Variants in HPSE2 observed in about 807,000 individuals in gnomAD.
The protein encoded by HPSE2 is inactive heparanase-2.
Under a neutral mutation model 60.5 loss-of-function variants are expected in HPSE2, and 38 were observed. That is an observed-to-expected ratio of 0.63 (90% CI 0.48 to 0.82). The LOEUF (loss-of-function observed/expected upper bound fraction) is 0.82, where lower values mean the gene tolerates loss of function less well. HPSE2 is among the 40% of genes least tolerant of loss of function. The pLI is 0.00. For missense variants in HPSE2, 713 were observed against 740.4 expected (o/e 0.96, Z 0.43); for synonymous variants, 295 against 293.2 (o/e 1.01, Z -0.06).
intron 3 of HPSE2, among the ~76,000 whole-genome samples, chr10:98,861,234 A>T (rs1390576096): frequency 6.6e-6 from 1 of 152,208 alleles, no homozygotes; most frequent in African/African-American, 2.4e-5. Flanking sequence ...TAATTGAAGA[A>T]ATTATCTTGT....
intron 6 of HPSE2, among the ~76,000 whole-genome samples, chr10:98,653,516 T>C (rs1445765976): frequency 6.6e-6 from 1 of 152,014 alleles, no homozygotes; most frequent in Non-Finnish European, 1.5e-5. Flanking sequence ...TATATTTCTT[T>C]CTAAAACATT....
chr10:99,146,058 C>G (rs1846041690), intron 2 of HPSE2, among the ~76,000 whole-genome samples: 1 of 152,144 alleles, frequency 6.6e-6, no homozygotes, highest in South Asian at 2.1e-4. Context: ...TAACTAGTCT[C>G]ACAGATTTTC....
At chr10:98,962,933 A>G (rs1361153836) in intron 3 of HPSE2, among the ~76,000 whole-genome samples, 1 of 152,220 alleles carries the variant, frequency 6.6e-6, no homozygotes, top group African/African-American at 2.4e-5. Context: ...TTCCCTAAAT[A>G]GAAGTCAGAG....
intron 3 of HPSE2, among the ~76,000 whole-genome samples, chr10:99,082,188 C>T (rs759731148): frequency 2.6e-5 from 4 of 152,078 alleles, no homozygotes; most frequent in East Asian, 3.9e-4. Flanking sequence ...GTGGTCACCG[C>T]GTCAATGAGA....
chr10:98,615,083 GAGACTGGCTACTATATACACAT>G, intron 8 of HPSE2, 65 bp from the exon 9 acceptor site: 1 of 1,149,710 alleles, frequency 8.7e-7, no homozygotes, highest in Non-Finnish European at 1.3e-6. Flanking sequence ...AAGCTCTATA[GAGACTGGCTACTATATACACAT>G]ATACACCAAT....
intron 9 of HPSE2, among the ~76,000 whole-genome samples, chr10:98,614,428 GACCAC>G (rs1945843823): frequency 6.6e-6 from 1 of 151,910 alleles, no homozygotes; most frequent in African/African-American, 2.4e-5. Flanking sequence ...AAGTAGCTGG[GACCAC>G]AGGTGCCCGC....
the HPSE2 span, among the ~76,000 whole-genome samples, chr10:99,315,535 A>G: frequency 6.6e-6 from 1 of 152,218 alleles, no homozygotes; most frequent in Admixed American, 6.5e-5. Context: ...CGAAGCGAGG[A>G]AAGGAGGAGA....
At chr10:98,750,635 G>C (rs1215299825) in intron 3 of HPSE2, among the ~76,000 whole-genome samples, 4 of 152,094 alleles carry the variant, frequency 2.6e-5, no homozygotes. Context: ...TTTGCTGAAG[G>C]ATTGGAATGT....
intron 3 of HPSE2, among the ~76,000 whole-genome samples, chr10:98,853,695 C>T (rs906490736): frequency 3.3e-5 from 5 of 152,078 alleles, no homozygotes; most frequent in Admixed American, 1.3e-4. Context: ...ATATATGAAT[C>T]CTAACTATAA....
Position 98,567,473 on chromosome 10 carries a change from C to T in HPSE2, c.1320+47431G>A, listed in dbSNP as rs1160842091. Among the ~76,000 whole-genome samples the T allele has an allele frequency of 2.0e-5, 3 of 152,094 alleles. No homozygotes were observed. The East Asian group carries it at 5.8e-4, about 29-fold the overall frequency. On this transcript the variant is annotated intron_variant, in intron 9 of 11. Coordinates refer to ENST00000370552, the MANE Select transcript of HPSE2 (RefSeq NM_021828.5). ...GCATATGAATTCTATGTGGGGTTTGCACAGGTATTAAATGTTTTGTGGTTG... is the reference window on the plus strand; with the variant it reads ...GCATATGAATTCTATGTGGGGTTTGTACAGGTATTAAATGTTTTGTGGTTG...
chr10:98,514,698 G>A, intron 9 of HPSE2, among the ~76,000 whole-genome samples: 1 of 144,718 alleles, frequency 6.9e-6, no homozygotes. Context: ...ATTTGGCTGT[G>A]GTTATATACT....
intron 8 of HPSE2, among the ~76,000 whole-genome samples, chr10:98,620,230 T>C (rs939494094): frequency 1.2e-4 from 18 of 152,236 alleles, no homozygotes; most frequent in Non-Finnish European, 2.2e-4. Context: ...ATCATATTTT[T>C]TTCTGGAGGG....
intron 3 of HPSE2, among the ~76,000 whole-genome samples, chr10:98,915,152 T>C (rs1398088865): frequency 7.1e-6 from 1 of 141,294 alleles, no homozygotes; most frequent in African/African-American, 2.6e-5. Context: ...TAAATTTTCC[T>C]TTTTTTTTTT....
At chr10:98,696,509 C>T (rs1270161491) in intron 5 of HPSE2, among the ~76,000 whole-genome samples, 1 of 152,142 alleles carries the variant, frequency 6.6e-6, no homozygotes. Context: ...GTGTGCTACC[C>T]AGCCTGGGAA....
intron 3 of HPSE2, among the ~76,000 whole-genome samples, chr10:99,108,679 C>T (rs1332480566): frequency 6.6e-6 from 1 of 152,072 alleles, no homozygotes; most frequent in Non-Finnish European, 1.5e-5. Context: ...ATTTAGAAGT[C>T]CCTCCTAGGT....
intron 9 of HPSE2, among the ~76,000 whole-genome samples, chr10:98,602,575 T>A (rs1032268898): frequency 6.6e-5 from 10 of 152,130 alleles, no homozygotes; most frequent in Admixed American, 3.3e-4. Context: ...AATCTCTTGA[T>A]TACTGTACAT....
At position 99,235,651 on chromosome 10, in the gene HPSE2, C is replaced by A. The variant is rs368139705; in HGVS notation, c.152G>T (p.Arg51Ile). 3 of 1,613,884 alleles carry A rather than the reference C, an allele frequency of 1.9e-6. No individual in the cohort carries two copies. In the African/African-American group the frequency reaches 4.0e-5, roughly 22 times the overall value. ...AGDRRPLPVD[R>I]AAGLKEKTLI... Reference sequence around the variant, plus strand: ...GGTCTTTTCCTTCAAACCTGCAGCTCTGTCTACAGGCAAGGGTCTCCTGTC... The same window carrying A: ...GGTCTTTTCCTTCAAACCTGCAGCTATGTCTACAGGCAAGGGTCTCCTGTC... Residue 51 changes from arginine to isoleucine, a missense_variant, in exon 1 of 12, where the codon AGA becomes ATA. Arg to Ile is a moderately conservative substitution (Grantham distance 97). Transcript: ENST00000370552.
At chr10:98,839,994 C>T (rs1021835327) in intron 3 of HPSE2, among the ~76,000 whole-genome samples, 4 of 152,168 alleles carry the variant, frequency 2.6e-5, no homozygotes, top group African/African-American at 9.7e-5. Context: ...AACCTTATGA[C>T]AATCATTTAA....
At chr10:99,182,297 G>C (rs1230178721) in intron 2 of HPSE2, among the ~76,000 whole-genome samples, 1 of 152,098 alleles carries the variant, frequency 6.6e-6, no homozygotes, top group Non-Finnish European at 1.5e-5. Context: ...TAATCACCTA[G>C]TTTATCCCCC....
Sources: allele counts gnomAD v4.1 joint callset (sites outside exome capture counted in the v4.1 genomes callset), GRCh38; gene constraint gnomAD v4.1.1; transcripts MANE v1.5; gene names NCBI Gene and HGNC (gene_info 2026-07-23, HGNC 2026-07-21).